DRAM1: variants seen among roughly 807,000 people sequenced by gnomAD.
DRAM1 encodes the protein DNA damage regulated autophagy modulator 1.
DRAM1 carries 25 observed loss-of-function variants against 28.5 expected under a neutral mutation model. The ratio of observed to expected loss-of-function variants is 0.88; its 90% CI spans 0.64 to 1.23. The LOEUF is 1.23. DRAM1 is among the 50% of genes most tolerant of loss of function. DRAM1 has a pLI of 0.00. For missense variants in DRAM1, 249 were observed against 299.2 expected, an observed-to-expected ratio of 0.83 and a Z score of 1.24; for synonymous variants, 113 against 114.2, an observed-to-expected ratio of 0.99 and a Z score of 0.07.
At chr12:101,878,978 G>A (rs1432623063) in intron 1 of DRAM1, among the ~76,000 whole-genome samples, 7 of 148,502 alleles carry the variant, frequency 4.7e-5, no homozygotes, top group Non-Finnish European at 8.9e-5. Flanking sequence ...GAGCAAGAGG[G>A]GACTAGCATT....
intron 3 of DRAM1, 48 bp from the exon 4 acceptor site, chr12:101,908,138 G>A: frequency 6.5e-7 from 1 of 1,532,124 alleles, no homozygotes; most frequent in Admixed American, 2.0e-5. Context: ...GCGGTTCGAT[G>A]TTGACAAACC....
At chr12:101,885,091 G>A (rs1208960311) in intron 1 of DRAM1, among the ~76,000 whole-genome samples, 2 of 152,002 alleles carry the variant, frequency 1.3e-5, no homozygotes, top group African/African-American at 4.8e-5. Flanking sequence ...GTGCCACCAC[G>A]CCCGGCTAAT....
At chr12:101,899,080 A>G (rs56947019) in intron 2 of DRAM1, among the ~76,000 whole-genome samples, 6,800 of 152,270 alleles carry the variant, frequency 0.045, 278 homozygotes, top group African/African-American at 0.11. Flanking sequence ...CTACTGGTAC[A>G]GTGTGAGAAG....
rs10823 is a variant in DRAM1, at chr12:101,923,363, C to T, written c.*2103C>T. 31,301 of 152,136 alleles carry T rather than the reference C, an allele frequency of 0.21. 3,702 individuals are homozygous for T. Among genetic ancestry groups the T allele is most frequent in the African/African-American group, 0.32 (13,283 of 41,462 alleles). The allele number at this position is 152,136 out of a possible 1,614,324, so 9.4% of individuals were successfully genotyped here. Reference sequence around the variant, plus strand: ...ACGATGGAGTTTCATGCTTCATTTTCACATCTCTCTGCACAATTAGATTGG... The same window carrying T: ...ACGATGGAGTTTCATGCTTCATTTTTACATCTCTCTGCACAATTAGATTGG... On this transcript the variant is annotated 3_prime_UTR_variant, in exon 7 of 7. Transcript: ENST00000258534.
chr12:101,901,395 G>A lies in DRAM1; in HGVS notation c.304G>A (p.Val102Met). ...FNLVSLVLGLVGCFGMGIVAN... is the reference protein window; with the variant it reads ...FNLVSLVLGLMGCFGMGIVAN... ...CTTGGTGTCTTTAGTGCTTGGATTG[G>A]TGGGATGTTTCGGAATGGGCATTGT... The change falls in exon 3 of 7, where the codon GTG (valine) becomes ATG (methionine). Residue 102 changes from valine (V) to methionine (M), a missense_variant. Transcript: ENST00000258534. 6.2e-7 allele frequency: 1 copy of A among 1,614,118 alleles called. No homozygotes were observed. Among genetic ancestry groups the A allele is most frequent in the Non-Finnish European group, 8.5e-7 (1 of 1,180,032 alleles).
chr12:101,908,379 T>C lies in DRAM1; in HGVS notation c.520+16T>C. 1 of 1,598,798 alleles carries C rather than the reference T, an allele frequency of 6.3e-7. No homozygotes were observed. Among genetic ancestry groups the C allele is most frequent in the Non-Finnish European group, 8.5e-7 (1 of 1,173,782 alleles). The stretch of plus-strand genomic sequence containing the variant: ...GTCATCCCCAGTATCCTTTTTCACA[T>C]TTGTGCCTTGTTAAAGGAATAAAAC... On this transcript the variant is annotated intron_variant, in intron 4 of 6. Coordinates refer to ENST00000258534, the MANE Select transcript of DRAM1 (RefSeq NM_018370.3).
At chr12:101,913,785 A>G (rs1048415100) in intron 4 of DRAM1, among the ~76,000 whole-genome samples, 1 of 152,098 alleles carries the variant, frequency 6.6e-6, no homozygotes, top group Admixed American at 6.6e-5. Context: ...GAAGTATTCA[A>G]AAAGAACCAT....
At chr12:101,907,617 T>C (rs1873871862) in intron 3 of DRAM1, among the ~76,000 whole-genome samples, 1 of 152,116 alleles carries the variant, frequency 6.6e-6, no homozygotes, top group Non-Finnish European at 1.5e-5. Context: ...CACGTGCCTG[T>C]AATCCCAACT....
At chr12:101,909,496 C>G (rs745803247) in intron 4 of DRAM1, among the ~76,000 whole-genome samples, 1 of 152,008 alleles carries the variant, frequency 6.6e-6, no homozygotes, top group African/African-American at 2.4e-5. Flanking sequence ...AAGTAATAGC[C>G]CCACGAAGTC....
At chr12:101,880,181 G>A (rs1246697123) in intron 1 of DRAM1, among the ~76,000 whole-genome samples, 1 of 151,620 alleles carries the variant, frequency 6.6e-6, no homozygotes, top group Admixed American at 6.6e-5. Context: ...CTGAATAGCT[G>A]GGGACTGTAG....
At chr12:101,888,642 C>T (rs1319249206) in intron 1 of DRAM1, among the ~76,000 whole-genome samples, 1 of 151,978 alleles carries the variant, frequency 6.6e-6, no homozygotes, top group Non-Finnish European at 1.5e-5. Context: ...TTTTCCCTGT[C>T]ATTTGGGTAC....
chr12:101,916,682 G>A (rs560991384), intron 5 of DRAM1, among the ~76,000 whole-genome samples: 1 of 152,314 alleles, frequency 6.6e-6, no homozygotes, highest in South Asian at 2.1e-4. Flanking sequence ...CAAGGATCAG[G>A]TGGAAGAATA....
At chr12:101,911,562 C>T (rs1874041430) in intron 4 of DRAM1, among the ~76,000 whole-genome samples, 1 of 152,172 alleles carries the variant, frequency 6.6e-6, no homozygotes, top group East Asian at 1.9e-4. Context: ...TTTAACTGAT[C>T]TCTACTTGGC....
intron 2 of DRAM1, among the ~76,000 whole-genome samples, chr12:101,900,075 A>G (rs1267695016): frequency 6.6e-6 from 1 of 152,208 alleles, no homozygotes; most frequent in Non-Finnish European, 1.5e-5. Flanking sequence ...TTTATGACTT[A>G]GTGTTGAGTT....
chr12:101,915,545 A>AAT (rs1566132138), intron 5 of DRAM1, among the ~76,000 whole-genome samples: 15 of 91,844 alleles, frequency 1.6e-4, no homozygotes, highest in African/African-American at 7.4e-4. Context: ...GACTTTGAAG[A>AAT]CTTTTTTTTT....
At position 101,901,336 on chromosome 12, in the gene DRAM1, A is replaced by G; in HGVS notation, c.245A>G (p.Asn82Ser). 6.2e-7 allele frequency: 1 copy of G among 1,614,200 alleles called. No homozygotes were observed. The highest frequency in any genetic ancestry group is 2.2e-5 in the East Asian group (1 of 44,888). The change falls in exon 3 of 7, where the codon AAT becomes AGT. Residue 82 changes from asparagine to serine, a missense_variant. Coordinates refer to ENST00000258534, the MANE Select transcript of DRAM1 (RefSeq NM_018370.3). Reference protein sequence around the residue: ...YTRYKIVQKQNQTCYFSTPVF... With the variant: ...YTRYKIVQKQSQTCYFSTPVF... ...AGATACAAAATAGTACAGAAGCAAA[A>G]TCAAACCTGCTATTTCAGCACTCCT...
intron 1 of DRAM1, among the ~76,000 whole-genome samples, chr12:101,880,555 T>C (rs772402142): frequency 1.1e-4 from 16 of 151,984 alleles, no homozygotes; most frequent in African/African-American, 3.1e-4. Context: ...TCCTAAAGTG[T>C]TGGGATTACA....
intron 2 of DRAM1, among the ~76,000 whole-genome samples, chr12:101,899,829 G>A (rs1483253675): frequency 6.6e-6 from 1 of 152,066 alleles, no homozygotes; most frequent in Non-Finnish European, 1.5e-5. Context: ...TCTTTCACAA[G>A]GATGTATTAT....
chr12:101,889,482 GAAGGAAGGAAGT>G (rs1315654917), intron 1 of DRAM1, among the ~76,000 whole-genome samples: 4 of 116,122 alleles, frequency 3.4e-5, no homozygotes, highest in Non-Finnish European at 5.6e-5. Flanking sequence ...GAGAAGAGAA[GAAGGAAGGAAGT>G]AAGGAAGGAA....
Sources: allele counts gnomAD v4.1 joint callset (sites outside exome capture counted in the v4.1 genomes callset), GRCh38; gene constraint gnomAD v4.1.1; transcripts MANE v1.5; gene names NCBI Gene and HGNC (gene_info 2026-07-23, HGNC 2026-07-21).